CSMD1: variants seen among roughly 807,000 people sequenced by gnomAD.
The protein encoded by CSMD1 is CUB and sushi domain-containing protein 1.
CSMD1 carries 213 observed loss-of-function variants against 417.5 expected under a neutral mutation model. The observed-to-expected ratio is 0.51, with a 90% confidence interval of 0.46 to 0.57. The LOEUF (loss-of-function observed/expected upper bound fraction) is 0.57. Among genes scored for constraint, CSMD1 ranks in the 20% least tolerant of loss-of-function variants. The pLI is 0.00. For missense variants in CSMD1, 6,923 were observed against 4,529.7 expected (o/e 1.53, Z -15.17); for synonymous variants, 2,862 against 1,736.8 (o/e 1.65, Z -16.11).
intron 56 of CSMD1, among the ~76,000 whole-genome samples, chr8:2,973,824 GGAT>G (rs1461405407): frequency 6.6e-6 from 1 of 151,630 alleles, no homozygotes; most frequent in Non-Finnish European, 1.5e-5. Flanking sequence ...TGGTGGTAGA[GGAT>G]GATGGTAGAG....
chr8:4,061,785 C>G (rs950921706), intron 3 of CSMD1, among the ~76,000 whole-genome samples: 1 of 152,160 alleles, frequency 6.6e-6, no homozygotes, highest in Non-Finnish European at 1.5e-5. Flanking sequence ...AAGGAGTTCT[C>G]CATTTGCAGT....
chr8:3,888,351 C>T (rs1461085332), intron 5 of CSMD1, among the ~76,000 whole-genome samples: 1 of 152,174 alleles, frequency 6.6e-6, no homozygotes. Context: ...ATGGTGATTA[C>T]TCAGTCAGAT....
intron 25 of CSMD1, among the ~76,000 whole-genome samples, chr8:3,301,154 A>G (rs1584956823): frequency 6.6e-6 from 1 of 152,036 alleles, no homozygotes; most frequent in African/African-American, 2.4e-5. Context: ...TTCAAAATCT[A>G]TATAGACATT....
intron 1 of CSMD1, among the ~76,000 whole-genome samples, chr8:4,844,880 A>G (rs1801043149): frequency 6.6e-6 from 1 of 152,180 alleles, no homozygotes; most frequent in African/African-American, 2.4e-5. Flanking sequence ...TCTGCTTAAC[A>G]GTACCCCCAC....
intron 1 of CSMD1, among the ~76,000 whole-genome samples, chr8:4,725,952 C>A (rs1380569710): frequency 6.6e-6 from 1 of 152,060 alleles, no homozygotes; most frequent in Non-Finnish European, 1.5e-5. Context: ...CGGCATTCGT[C>A]AAGAAGTTAT....
intron 5 of CSMD1, among the ~76,000 whole-genome samples, chr8:3,879,479 G>C (rs767194341): frequency 7.2e-5 from 11 of 152,122 alleles, no homozygotes; most frequent in Non-Finnish European, 1.2e-4. Flanking sequence ...GTTTTGCTTA[G>C]AAATGGGACA....
chr8:3,111,669 T>C (rs901891361), intron 42 of CSMD1, among the ~76,000 whole-genome samples: 2 of 151,986 alleles, frequency 1.3e-5, no homozygotes, highest in African/African-American at 4.8e-5. Flanking sequence ...CTAACTCTAC[T>C]AAAAATACAA....
At chr8:4,263,563 C>G (rs1044934625) in intron 3 of CSMD1, among the ~76,000 whole-genome samples, 20 of 152,128 alleles carry the variant, frequency 1.3e-4, no homozygotes, top group African/African-American at 4.6e-4. Flanking sequence ...CTTGGAAAGT[C>G]ATAATCAACA....
Position 4,936,275 on chromosome 8 carries a change from G to C in CSMD1, c.85+58057C>G, listed in dbSNP as rs111560333. On this transcript the variant is annotated intron_variant, in intron 1 of 69. Coordinates refer to ENST00000635120, the MANE Select transcript of CSMD1 (RefSeq NM_033225.6). ...ATCAGATAACAGATGTTTTATCTTT[G>C]AAATTTCAATTTTAAAATGTGTGCA... Among the ~76,000 whole-genome samples, 1,294 of 152,202 alleles carry C rather than the reference G, an allele frequency of 8.5e-3. 16 individuals are homozygous for C. The highest frequency in any genetic ancestry group is 0.028 in the African/African-American group (1,180 of 41,540).
chr8:3,727,456 A>G (rs894761019), intron 6 of CSMD1, among the ~76,000 whole-genome samples: 1 of 152,186 alleles, frequency 6.6e-6, no homozygotes, highest in Non-Finnish European at 1.5e-5. Flanking sequence ...AGGGTGACCA[A>G]TGTGTGCATT....
chr8:3,433,791 C>T (rs12675514), intron 12 of CSMD1, among the ~76,000 whole-genome samples: 46,626 of 152,042 alleles, frequency 0.31, 7,602 homozygotes, highest in East Asian at 0.57. Flanking sequence ...AGCAGATTCA[C>T]CAGTGCACAG....
rs536886335 is a variant in CSMD1, at chr8:3,516,200, A to G, written c.1345-22474T>C. Among the ~76,000 whole-genome samples the G allele has an allele frequency of 1.5e-4, 23 of 152,374 alleles. No homozygotes were observed. The East Asian group carries it at 4.4e-3, about 29-fold the overall frequency. On this transcript the variant is annotated intron_variant, in intron 10 of 69. Transcript: ENST00000635120. ...ACTAATATTGTCTCCAAATTTGAAT[A>G]TAACTGTCCTGGAAAGGGACATTCT...
At chr8:4,034,987 G>T (rs566290313) in intron 3 of CSMD1, among the ~76,000 whole-genome samples, 4 of 152,102 alleles carry the variant, frequency 2.6e-5, no homozygotes, top group African/African-American at 9.7e-5. Context: ...TCTTCTATAC[G>T]TTTTTTCTGT....
chr8:3,003,998 G>C (rs1223684552), intron 52 of CSMD1, among the ~76,000 whole-genome samples: 2 of 152,136 alleles, frequency 1.3e-5, no homozygotes, highest in Non-Finnish European at 2.9e-5. Flanking sequence ...GCCCCACTGC[G>C]TGACTCTGCC....
intron 3 of CSMD1, among the ~76,000 whole-genome samples, chr8:4,318,406 T>C (rs1054453328): frequency 1.1e-4 from 17 of 152,256 alleles, no homozygotes; most frequent in Middle Eastern, 6.8e-3. Context: ...CATTTTAGTT[T>C]CTGTGTGTGT....
intron 6 of CSMD1, among the ~76,000 whole-genome samples, chr8:3,741,613 A>T (rs143011541): frequency 1.3e-5 from 2 of 152,238 alleles, no homozygotes; most frequent in Non-Finnish European, 2.9e-5. Flanking sequence ...TATTCAGTGC[A>T]AATAGTGCAG....
intron 52 of CSMD1, among the ~76,000 whole-genome samples, chr8:3,009,189 C>G (rs1298645772): frequency 6.6e-6 from 1 of 152,202 alleles, no homozygotes; most frequent in African/African-American, 2.4e-5. Flanking sequence ...ACTTTTGCCC[C>G]TAGAGGGGCC....
chr8:4,454,489 G>C (rs369934477), intron 2 of CSMD1, among the ~76,000 whole-genome samples: 57 of 152,210 alleles, frequency 3.7e-4, no homozygotes, highest in African/African-American at 1.4e-3. Context: ...TGTTCCCCTA[G>C]TCACATATAC....
At chr8:3,725,286 C>A (rs139407217) in intron 6 of CSMD1, among the ~76,000 whole-genome samples, 14 of 152,224 alleles carry the variant, frequency 9.2e-5, no homozygotes, top group African/African-American at 3.4e-4. Flanking sequence ...GGTCCAGGGC[C>A]ATGAAGACCT....
Sources: allele counts gnomAD v4.1 joint callset (sites outside exome capture counted in the v4.1 genomes callset), GRCh38; gene constraint gnomAD v4.1.1; transcripts MANE v1.5; gene names NCBI Gene and HGNC (gene_info 2026-07-23, HGNC 2026-07-21).